The following GRID2 variants were observed in gnomAD, a reference collection of about 807,000 sequenced individuals.
GRID2 encodes glutamate receptor ionotropic, delta-2.
In GRID2, 33 loss-of-function variants were observed where a neutral mutation model predicts 114.8. That is an observed-to-expected ratio of 0.29 (90% CI 0.22 to 0.38). The LOEUF (loss-of-function observed/expected upper bound fraction) is 0.38, where lower values mean the gene tolerates loss of function less well. Among genes scored for constraint, GRID2 ranks in the 10% least tolerant of loss-of-function variants. GRID2 has a pLI of 1.00. For missense variants in GRID2, 1,184 were observed against 1,257.7 expected (o/e 0.94, Z 0.89); for synonymous variants, 505 against 449.9 (o/e 1.12, Z -1.55).
intron 4 of GRID2, among the ~76,000 whole-genome samples, chr4:93,158,370 T>C (rs908366575): frequency 4.6e-5 from 7 of 151,816 alleles, no homozygotes; most frequent in Non-Finnish European, 1.0e-4. Flanking sequence ...AAGCCTCCAA[T>C]AGTACCATTA....
At chr4:93,402,093 A>G (rs1416635672) in intron 9 of GRID2, among the ~76,000 whole-genome samples, 1 of 152,134 alleles carries the variant, frequency 6.6e-6, no homozygotes, top group Non-Finnish European at 1.5e-5. Flanking sequence ...ACAAAGGAAT[A>G]AATAATATAT....
intron 1 of GRID2, among the ~76,000 whole-genome samples, chr4:92,532,150 T>C (rs560193770): frequency 6.6e-6 from 1 of 152,292 alleles, no homozygotes; most frequent in African/African-American, 2.4e-5. Context: ...GATATGTTCA[T>C]GTAGTTCAGT....
At chr4:93,147,848 T>C (rs1736402064) in intron 4 of GRID2, among the ~76,000 whole-genome samples, 1 of 152,218 alleles carries the variant, frequency 6.6e-6, no homozygotes, top group Non-Finnish European at 1.5e-5. Context: ...CCTTGAAACA[T>C]CATTTTAAAA....
chr4:93,286,680 TGTGTGTGTGTGGGG>T (rs887830072), intron 8 of GRID2, among the ~76,000 whole-genome samples: 14 of 24,670 alleles, frequency 5.7e-4, no homozygotes, highest in African/African-American at 2.4e-3. Flanking sequence ...TTTGTGTATG[TGTGTGTGTGTGGGG>T]GTGTGTGTGT....
chr4:93,669,808 C>T (rs1724248122), intron 14 of GRID2, among the ~76,000 whole-genome samples: 1 of 152,094 alleles, frequency 6.6e-6, no homozygotes, highest in South Asian at 2.1e-4. Flanking sequence ...ATTCCTCTCA[C>T]TGGGCTCCAA....
chr4:92,420,406 G>C (rs557619155), intron 1 of GRID2, among the ~76,000 whole-genome samples: 1 of 152,126 alleles, frequency 6.6e-6, no homozygotes, highest in East Asian at 1.9e-4. Context: ...TCCTATCTAA[G>C]CTCCAGCCTA....
chr4:93,300,278 A>G (rs2149165815), intron 8 of GRID2, among the ~76,000 whole-genome samples: 2 of 152,202 alleles, frequency 1.3e-5, no homozygotes, highest in South Asian at 4.2e-4. Flanking sequence ...TATATTTGAA[A>G]TCTTTTTGAT....
At chr4:93,726,583 C>A (rs1729920256) in intron 14 of GRID2, among the ~76,000 whole-genome samples, 1 of 152,118 alleles carries the variant, frequency 6.6e-6, no homozygotes, top group South Asian at 2.1e-4. Context: ...GGCAGTATGG[C>A]CATTTTCACG....
intron 2 of GRID2, among the ~76,000 whole-genome samples, chr4:93,047,502 G>A (rs1470129954): frequency 6.7e-6 from 1 of 149,368 alleles, no homozygotes; most frequent in Non-Finnish European, 1.5e-5. Context: ...TGTTATATTT[G>A]GACTGCAGTG....
At chr4:92,417,019 T>A (rs1468011760) in intron 1 of GRID2, among the ~76,000 whole-genome samples, 1 of 152,132 alleles carries the variant, frequency 6.6e-6, no homozygotes, top group Non-Finnish European at 1.5e-5. Context: ...CAATAGTGAT[T>A]CTACCCATCC....
chr4:93,511,121 GA>G (rs1161556812), intron 12 of GRID2, among the ~76,000 whole-genome samples: 4 of 151,988 alleles, frequency 2.6e-5, no homozygotes, highest in Non-Finnish European at 4.4e-5. Flanking sequence ...ATTTTTAGTA[GA>G]GACAGGGTTT....
intron 1 of GRID2, among the ~76,000 whole-genome samples, chr4:92,587,658 G>T (rs1438826211): frequency 6.6e-6 from 1 of 152,090 alleles, no homozygotes; most frequent in Non-Finnish European, 1.5e-5. Flanking sequence ...TGTTTCTTCT[G>T]TGTACTTCCT....
At chr4:93,021,931 A>G (rs1723403229) in intron 2 of GRID2, among the ~76,000 whole-genome samples, 1 of 150,764 alleles carries the variant, frequency 6.6e-6, no homozygotes. Context: ...GGAGAGAGGA[A>G]TTTTATTTAC....
chr4:92,365,357 T>G (rs929796797), intron 1 of GRID2, among the ~76,000 whole-genome samples: 1 of 152,084 alleles, frequency 6.6e-6, no homozygotes, highest in African/African-American at 2.4e-5. Context: ...GAGAACATTA[T>G]GCTAAGTGAA....
intron 2 of GRID2, among the ~76,000 whole-genome samples, chr4:92,756,792 A>T (rs576876284): frequency 6.6e-6 from 1 of 151,684 alleles, no homozygotes; most frequent in Non-Finnish European, 1.5e-5. Context: ...TCTTTTGCGC[A>T]CTTTTTAATG....
chr4:92,699,148 AT>A (rs1734554287), intron 2 of GRID2, among the ~76,000 whole-genome samples: 1 of 152,186 alleles, frequency 6.6e-6, no homozygotes, highest in African/African-American at 2.4e-5. Flanking sequence ...TATCAGCTAC[AT>A]TAATACTGCC....
intron 2 of GRID2, among the ~76,000 whole-genome samples, chr4:92,774,682 A>C (rs1578174454): frequency 7.5e-6 from 1 of 134,062 alleles, no homozygotes; most frequent in South Asian, 2.3e-4. Context: ...TATTTTCTCC[A>C]CCTCCCAGTC....
At chr4:93,546,928 A>T (rs1733279026) in intron 13 of GRID2, among the ~76,000 whole-genome samples, 1 of 152,092 alleles carries the variant, frequency 6.6e-6, no homozygotes, top group African/African-American at 2.4e-5. Context: ...TCATAGAAAA[A>T]GCTGGAGGGT....
intron 2 of GRID2, among the ~76,000 whole-genome samples, chr4:92,850,517 C>G (rs1743695175): frequency 6.6e-6 from 1 of 151,810 alleles, no homozygotes; most frequent in Non-Finnish European, 1.5e-5. Flanking sequence ...CATACATAAA[C>G]TTAGAAGATC....
Sources: allele counts gnomAD v4.1 joint callset (sites outside exome capture counted in the v4.1 genomes callset), GRCh38; gene constraint gnomAD v4.1.1; transcripts MANE v1.5; gene names NCBI Gene and HGNC (gene_info 2026-07-23, HGNC 2026-07-21).